CACNG2: variants seen among roughly 807,000 people sequenced by gnomAD.
The protein encoded by CACNG2 is calcium voltage-gated channel auxiliary subunit gamma 2, also known as voltage-dependent calcium channel gamma-2 subunit.
In CACNG2, 3 loss-of-function variants were observed where a neutral mutation model predicts 25.9. The observed-to-expected ratio is 0.12, with a 90% confidence interval of 0.05 to 0.30. The LOEUF (loss-of-function observed/expected upper bound fraction) is 0.30, where lower values mean the gene tolerates loss of function less well. Among genes scored for constraint, CACNG2 ranks in the 10% least tolerant of loss-of-function variants. The pLI is 1.00. For missense variants in CACNG2, 341 were observed against 432.5 expected (o/e 0.79, Z 1.88); for synonymous variants, 167 against 173.3 (o/e 0.96, Z 0.29).
rs146327868 is a variant in CACNG2 at position 36,654,300 on chromosome 22, C to T, written c.211+48066G>A. On this transcript the variant is annotated intron_variant, in intron 1 of 3. Coordinates refer to ENST00000300105, the MANE Select transcript of CACNG2 (RefSeq NM_006078.5). Reference sequence around the variant, plus strand: ...GCGTGTGTTTCAAGACAAGGTCTCACTCTCACCCCGGCTGGAGTGCGGTGG... The same window carrying T: ...GCGTGTGTTTCAAGACAAGGTCTCATTCTCACCCCGGCTGGAGTGCGGTGG... Among the ~76,000 whole-genome samples the T allele has an allele frequency of 2.3e-4, 35 of 152,194 alleles. No individual in the cohort carries two copies. In the East Asian group the frequency reaches 6.8e-3, roughly 29 times the overall value.
rs146421395 is a variant in CACNG2, at chr22:36,683,931, C to T, written c.211+18435G>A. ...AATGGGTCAAATTGTAACTAAGAAC[C>T]GAGTGCTCCCGACGCCTCAGAAAGG... is the stretch of plus-strand genomic sequence containing the variant. On this transcript the variant is annotated intron_variant, in intron 1 of 3. Coordinates refer to ENST00000300105, the MANE Select transcript of CACNG2 (RefSeq NM_006078.5). Among the ~76,000 whole-genome samples, 211 of 152,286 alleles carry T rather than the reference C, an allele frequency of 1.4e-3. 2 individuals carry two copies. The highest frequency in any genetic ancestry group is 4.9e-3 in the African/African-American group (204 of 41,550).
At chr22:36,652,633 A>C (rs1353093183) in intron 1 of CACNG2, among the ~76,000 whole-genome samples, 1 of 152,042 alleles carries the variant, frequency 6.6e-6, no homozygotes, top group Non-Finnish European at 1.5e-5. Flanking sequence ...TATGGTTATC[A>C]ATGTGCTGTT....
intron 1 of CACNG2, among the ~76,000 whole-genome samples, chr22:36,679,353 G>A (rs899302891): frequency 3.9e-5 from 6 of 151,992 alleles, no homozygotes; most frequent in African/African-American, 1.2e-4. Context: ...CAAATGTACC[G>A]GCCACTGAAT....
intron 2 of CACNG2, among the ~76,000 whole-genome samples, chr22:36,574,240 T>C (rs2283970): frequency 0.43 from 65,837 of 151,956 alleles, 16,666 homozygotes; most frequent in African/African-American, 0.71. Flanking sequence ...AGGGAAGCAG[T>C]GAGAAGGCTA....
At chr22:36,582,453 T>C (rs2145918632) in intron 2 of CACNG2, among the ~76,000 whole-genome samples, 1 of 151,218 alleles carries the variant, frequency 6.6e-6, no homozygotes, top group South Asian at 2.1e-4. Flanking sequence ...TTGTCCAGGC[T>C]GGAGTGCAAT....
At chr22:36,684,609 T>C (rs1187819698) in intron 1 of CACNG2, among the ~76,000 whole-genome samples, 1 of 114,168 alleles carries the variant, frequency 8.8e-6, no homozygotes, top group Non-Finnish European at 1.8e-5. Context: ...GAGCGAGACC[T>C]TGTCTCAAAA....
At chr22:36,642,857 G>A (rs1488286964) in intron 1 of CACNG2, among the ~76,000 whole-genome samples, 2 of 152,232 alleles carry the variant, frequency 1.3e-5, no homozygotes, top group Non-Finnish European at 2.9e-5. Context: ...GCAAATTTAA[G>A]TAAAGAGATT....
chr22:36,689,233 A>G (rs1210290799), intron 1 of CACNG2, among the ~76,000 whole-genome samples: 1 of 152,176 alleles, frequency 6.6e-6, no homozygotes, highest in Non-Finnish European at 1.5e-5. Flanking sequence ...CTGACACCCA[A>G]AAAACATTTA....
chr22:36,567,994 C>T (rs1394341323), intron 2 of CACNG2, among the ~76,000 whole-genome samples: 4 of 151,824 alleles, frequency 2.6e-5, no homozygotes, highest in African/African-American at 4.8e-5. Flanking sequence ...GGACTACAGG[C>T]GTGTACCACC....
chr22:36,661,708 G>A (rs565830774), intron 1 of CACNG2, among the ~76,000 whole-genome samples: 15 of 152,302 alleles, frequency 9.8e-5, no homozygotes, highest in Admixed American at 9.2e-4. Context: ...GCTGTGGGGG[G>A]ACCTTGTCCA....
intron 1 of CACNG2, among the ~76,000 whole-genome samples, chr22:36,685,329 G>A (rs570258644): frequency 2.6e-5 from 4 of 152,084 alleles, no homozygotes; most frequent in South Asian, 2.1e-4. Flanking sequence ...CATCTCTCCC[G>A]GGGGCCTCTG....
chr22:36,579,012 C>A (rs910256411), intron 2 of CACNG2, among the ~76,000 whole-genome samples: 1 of 152,178 alleles, frequency 6.6e-6, no homozygotes. Context: ...CATTCCCAGC[C>A]TCAGAGAAGG....
chr22:36,694,633 C>T (rs1305306801), intron 1 of CACNG2, among the ~76,000 whole-genome samples: 1 of 152,126 alleles, frequency 6.6e-6, no homozygotes, highest in African/African-American at 2.4e-5. Flanking sequence ...GGGTATGGGG[C>T]TGTCTCAAAT....
intron 1 of CACNG2, among the ~76,000 whole-genome samples, chr22:36,619,750 G>A (rs1182790976): frequency 6.6e-6 from 1 of 152,220 alleles, no homozygotes; most frequent in Non-Finnish European, 1.5e-5. Flanking sequence ...AGAAGTGAAA[G>A]TGCTATTCTA....
chr22:36,570,064 A>G (rs897360496), intron 2 of CACNG2, among the ~76,000 whole-genome samples: 4 of 152,184 alleles, frequency 2.6e-5, no homozygotes, highest in Non-Finnish European at 4.4e-5. Context: ...CGCCGACCCA[A>G]TTGTGCCCTC....
intron 1 of CACNG2, among the ~76,000 whole-genome samples, chr22:36,692,736 A>T (rs1345509998): frequency 6.6e-6 from 1 of 152,144 alleles, no homozygotes; most frequent in Non-Finnish European, 1.5e-5. Context: ...ATTAGACAAG[A>T]CTTTGGGGAG....
At chr22:36,605,867 A>T (rs761866584) in intron 1 of CACNG2, among the ~76,000 whole-genome samples, 1 of 152,296 alleles carries the variant, frequency 6.6e-6, no homozygotes, top group East Asian at 1.9e-4. Flanking sequence ...AACCGCATGC[A>T]CTTAGATCCT....
chr22:36,595,472 T>C (rs1935665552), intron 1 of CACNG2, among the ~76,000 whole-genome samples: 1 of 152,174 alleles, frequency 6.6e-6, no homozygotes, highest in Non-Finnish European at 1.5e-5. Context: ...AGGGAGCTGA[T>C]TGTTAAACAT....
chr22:36,649,577 C>T (rs912420403), intron 1 of CACNG2, among the ~76,000 whole-genome samples: 20 of 152,316 alleles, frequency 1.3e-4, no homozygotes, highest in Middle Eastern at 3.4e-3. Flanking sequence ...TGAGCCACCA[C>T]GCCCGGCCAA....
Sources: gnomAD v4.1 joint callset for allele counts (sites outside exome capture counted in the v4.1 genomes callset) on GRCh38, gnomAD v4.1.1 for gene constraint, MANE v1.5 for transcripts, NCBI Gene and HGNC (gene_info 2026-07-23, HGNC 2026-07-21) for gene names.